GRB14: variants seen among roughly 807,000 people sequenced by gnomAD.
The protein encoded by GRB14 is growth factor receptor bound protein 14, also known as growth factor receptor-bound protein 14.
In GRB14, 38 loss-of-function variants were observed where a neutral mutation model predicts 69.1. The ratio of observed to expected loss-of-function variants is 0.55; its 90% CI spans 0.42 to 0.72. GRB14 has a LOEUF of 0.72. Ranked by LOEUF, GRB14 falls within the 30% of genes least tolerant of loss-of-function variation. The pLI is 0.00. For synonymous variants in GRB14, 247 were observed against 241.3 expected (o/e 1.02, Z -0.22); for missense variants, 666 against 666.1 (o/e 1.00, Z 0.00).
intron 6 of GRB14, among the ~76,000 whole-genome samples, chr2:164,513,717 CA>C (rs1687401463): frequency 6.6e-6 from 1 of 152,136 alleles, no homozygotes; most frequent in Non-Finnish European, 1.5e-5. Flanking sequence ...AGTAATATAG[CA>C]GGGAAATTAC....
intron 2 of GRB14, among the ~76,000 whole-genome samples, chr2:164,566,351 C>T (rs889712795): frequency 1.3e-4 from 19 of 151,860 alleles, no homozygotes; most frequent in Non-Finnish European, 2.6e-4. Context: ...TGGGTATTTT[C>T]AGAGTTAAAA....
chr2:164,524,629 T>A (rs1044827048), intron 5 of GRB14, among the ~76,000 whole-genome samples: 1 of 152,114 alleles, frequency 6.6e-6, no homozygotes, highest in Non-Finnish European at 1.5e-5. Flanking sequence ...GTGTTTATTA[T>A]GAAAGCTGAT....
In GRB14 at chr2:164,621,015, T is replaced by G. The variant is rs752598309; in HGVS notation, c.191+104A>C. ...ATTGTCTTCAGAGACTTTTACAAAC[T>G]TGGCCCAGCTCTGGGCACATGGCTC... is the stretch of plus-strand genomic sequence containing the variant. On this transcript the variant is annotated intron_variant, in intron 1 of 13. Coordinates refer to ENST00000263915, the MANE Select transcript of GRB14 (RefSeq NM_004490.3). This position sits in a 1 kb window ranked among gnomAD's most constrained non-coding sequence, Gnocchi z 6.0. 1 of 1,002,216 alleles carries G rather than the reference T, an allele frequency of 1.0e-6. No individual in the cohort carries two copies. Among genetic ancestry groups the G allele is most frequent in the Non-Finnish European group, 1.3e-6 (1 of 772,858 alleles). The allele number at this position is 1,002,216 out of a possible 1,614,324, so 62.1% of individuals were successfully genotyped here.
At chr2:164,501,544 C>T (rs529895788) in intron 9 of GRB14, among the ~76,000 whole-genome samples, 3 of 151,986 alleles carry the variant, frequency 2.0e-5, no homozygotes, top group Non-Finnish European at 4.4e-5. Flanking sequence ...TATGTTAATG[C>T]ACACAAAATT....
At position 164,594,862 on chromosome 2, in the gene GRB14, T is replaced by C. The variant is rs551762633; in HGVS notation, c.324+24825A>G. Among the ~76,000 whole-genome samples the C allele has an allele frequency of 9.3e-4, 142 of 152,272 alleles. 1 individual carries two copies. The highest frequency in any genetic ancestry group is 1.6e-3 in the Non-Finnish European group (110 of 68,030). ...CATTTCAAGAAGAGGCAAAGAAAAG[T>C]GTATCCCTGTAGTTCTTCAAGGTCA... On this transcript the variant is annotated intron_variant, in intron 2 of 13. Coordinates refer to ENST00000263915, the MANE Select transcript of GRB14 (RefSeq NM_004490.3).
chr2:164,520,010 A>C (rs981653054), intron 6 of GRB14, among the ~76,000 whole-genome samples: 2 of 151,982 alleles, frequency 1.3e-5, no homozygotes, highest in Non-Finnish European at 2.9e-5. Flanking sequence ...CTAGAAAAAA[A>C]AATCCTAAAA....
chr2:164,530,532 T>C (rs1687900448), intron 3 of GRB14, among the ~76,000 whole-genome samples: 3 of 152,044 alleles, frequency 2.0e-5, no homozygotes, highest in Non-Finnish European at 4.4e-5. Flanking sequence ...TAGGAATCCA[T>C]TTCCATCAGC....
intron 3 of GRB14, among the ~76,000 whole-genome samples, chr2:164,545,326 T>A (rs901466530): frequency 6.6e-6 from 1 of 151,994 alleles, no homozygotes; most frequent in South Asian, 2.1e-4. Flanking sequence ...GGAAAAAAAA[T>A]TTTGCAGACA....
intron 2 of GRB14, among the ~76,000 whole-genome samples, chr2:164,575,347 T>C (rs1689227472): frequency 6.6e-6 from 1 of 152,210 alleles, no homozygotes; most frequent in African/African-American, 2.4e-5. Context: ...GTCATCCAAG[T>C]GATTGTAAAA....
chr2:164,543,330 T>G (rs1226898846), intron 3 of GRB14, among the ~76,000 whole-genome samples: 2 of 150,468 alleles, frequency 1.3e-5, no homozygotes, highest in Non-Finnish European at 3.0e-5. Flanking sequence ...GTGGTACATA[T>G]AAATCATGGA....
chr2:164,581,181 G>T (rs987477054), intron 2 of GRB14, among the ~76,000 whole-genome samples: 26 of 152,242 alleles, frequency 1.7e-4, no homozygotes, highest in African/African-American at 6.0e-4. Context: ...TTTAGGGCCT[G>T]CCCTTCTAAC....
At chr2:164,556,344 C>T (rs1243592173) in intron 2 of GRB14, among the ~76,000 whole-genome samples, 1 of 152,284 alleles carries the variant, frequency 6.6e-6, no homozygotes, top group East Asian at 1.9e-4. Flanking sequence ...AGCCTCCAAT[C>T]CTCTCCACTT....
chr2:164,621,304 G>A lies in GRB14; in HGVS notation c.6C>T (p.Thr2=). ...CGCTCTGCCCATCTTGCAGGGAAGT[G>A]GTCATTGTCGCCGGCCGGGGGGCTC... M[T]TSLQDGQSAA... The change falls in exon 1 of 14, where the codon ACC becomes ACT. Residue 2 remains threonine (T), a synonymous_variant. Coordinates refer to ENST00000263915, the MANE Select transcript of GRB14 (RefSeq NM_004490.3). This position sits in a 1 kb window ranked among gnomAD's most constrained non-coding sequence, Gnocchi z 6.0. The A allele has an allele frequency of 7.8e-7, 1 of 1,286,562 alleles. No individual in the cohort carries two copies. The highest frequency in any genetic ancestry group is 9.8e-7 in the Non-Finnish European group (1 of 1,016,600). 79.7% of individuals were successfully genotyped at this position (1,286,562 alleles called of 1,614,324 possible).
At chr2:164,566,446 G>C (rs1391114574) in intron 2 of GRB14, among the ~76,000 whole-genome samples, 1 of 152,086 alleles carries the variant, frequency 6.6e-6, no homozygotes, top group East Asian at 1.9e-4. Flanking sequence ...ATAGACTTGA[G>C]TCTAGGGAAT....
chr2:164,603,047 T>C (rs1689957987), intron 2 of GRB14, among the ~76,000 whole-genome samples: 1 of 152,112 alleles, frequency 6.6e-6, no homozygotes, highest in South Asian at 2.1e-4. Flanking sequence ...TGGAAAGGAT[T>C]AGAGGCATGA....
At chr2:164,615,928 A>C (rs1690280448) in intron 2 of GRB14, among the ~76,000 whole-genome samples, 1 of 152,212 alleles carries the variant, frequency 6.6e-6, no homozygotes, top group Non-Finnish European at 1.5e-5. Context: ...GTTCATTACT[A>C]ACAGATGATT....
intron 2 of GRB14, among the ~76,000 whole-genome samples, chr2:164,612,838 C>G (rs1289312938): frequency 6.6e-6 from 1 of 152,112 alleles, no homozygotes; most frequent in African/African-American, 2.4e-5. Flanking sequence ...GTAGATAAAG[C>G]TTGGACTGCA....
intron 3 of GRB14, among the ~76,000 whole-genome samples, chr2:164,530,914 C>A (rs1190821575): frequency 6.6e-6 from 1 of 152,074 alleles, no homozygotes; most frequent in Non-Finnish European, 1.5e-5. Context: ...TTTTAAAAGG[C>A]TGAAAGCACA....
At chr2:164,556,666 C>G (rs1409417006) in intron 2 of GRB14, among the ~76,000 whole-genome samples, 1 of 152,152 alleles carries the variant, frequency 6.6e-6, no homozygotes, top group Non-Finnish European at 1.5e-5. Flanking sequence ...TCCCTCATAT[C>G]TTAGGATAAA....
Sources: allele counts gnomAD v4.1 joint callset (sites outside exome capture counted in the v4.1 genomes callset), GRCh38; gene constraint gnomAD v4.1.1; non-coding constraint Gnocchi (gnomAD v3.1); transcripts MANE v1.5; gene names NCBI Gene and HGNC (gene_info 2026-07-23, HGNC 2026-07-21).